Variants in ANKS1A observed in about 807,000 individuals in gnomAD.
ANKS1A encodes the protein ankyrin repeat and SAM domain-containing protein 1A.
Under a neutral mutation model 120.3 loss-of-function variants are expected in ANKS1A, and 55 were observed. The observed-to-expected ratio is 0.46, with a 90% confidence interval of 0.37 to 0.57. The LOEUF is 0.57. Among genes scored for constraint, ANKS1A ranks in the 20% least tolerant of loss-of-function variants. The pLI is 0.00. For synonymous variants in ANKS1A, 590 were observed against 604.7 expected (o/e 0.98, Z 0.36); for missense variants, 1,123 against 1,480.3 (o/e 0.76, Z 3.96).
intron 8 of ANKS1A, 34 bp from the exon 9 acceptor site, chr6:34,989,190 G>A (rs546382887): frequency 6.2e-7 from 1 of 1,601,188 alleles, no homozygotes; most frequent in East Asian, 2.2e-5. Context: ...TTAAAAAAGA[G>A]ATCGCAAAAT....
intron 10 of ANKS1A, among the ~76,000 whole-genome samples, chr6:35,016,935 C>CTTTTTTTTTTTTTT (rs558659921): frequency 1.1e-5 from 1 of 87,372 alleles, no homozygotes; most frequent in African/African-American, 4.0e-5. Context: ...ATCATGACCT[C>CTTTTTTTTTTTTTT]TTTTTTTTTT....
At chr6:35,029,163 T>A (rs1000619528) in intron 11 of ANKS1A, among the ~76,000 whole-genome samples, 1 of 152,028 alleles carries the variant, frequency 6.6e-6, no homozygotes, top group Non-Finnish European at 1.5e-5. Context: ...CTTTTTTTTT[T>A]AAACGTTGTT....
intron 1 of ANKS1A, among the ~76,000 whole-genome samples, chr6:34,959,176 T>C (rs1195417453): frequency 6.6e-6 from 1 of 152,222 alleles, no homozygotes; most frequent in South Asian, 2.1e-4. Flanking sequence ...AGCACTTTGG[T>C]TCTAACTTAT....
intron 10 of ANKS1A, 115 bp from the exon 11 acceptor site, chr6:35,017,358 C>T (rs1248647929): frequency 3.6e-6 from 4 of 1,096,454 alleles, no homozygotes; most frequent in Non-Finnish European, 5.1e-6. Flanking sequence ...TATCCAGTTT[C>T]TCTCTCTGTT....
chr6:34,983,186 G>T lies in ANKS1A; in HGVS notation c.882G>T (p.Lys294Asn), dbSNP rs1053995061. 6.2e-7 allele frequency: 1 copy of T among 1,614,172 alleles called. No individual in the cohort carries two copies. The highest frequency in any genetic ancestry group is 1.7e-5 in the Admixed American group (1 of 60,020). The change falls in exon 6 of 24, where the codon AAG becomes AAT. Residue 294 changes from lysine to asparagine, a missense_variant. Physicochemically the swap from Lys to Asn is moderately conservative, Grantham distance 94. Around this residue, in one of 3 missense-constraint regions of ANKS1A, gnomAD observed 904 missense variants for 1,130.4 expected, o/e 0.80. Coordinates refer to ENST00000360359, the MANE Select transcript of ANKS1A (RefSeq NM_015245.3). ...CTGTTCGGGAACTGCCTTCTCAAAA[G>T]AGCCAGCAAATAGCAGCATTAATTG... ...LDTVRELPSQ[K>N]SQQIAALIED...
intron 1 of ANKS1A, among the ~76,000 whole-genome samples, chr6:34,944,081 G>A (rs980732224): frequency 6.6e-6 from 1 of 152,028 alleles, no homozygotes; most frequent in African/African-American, 2.4e-5. Context: ...AGACCATCCT[G>A]GCTAACACGG....
chr6:35,013,807 A>C (rs1349697002), intron 10 of ANKS1A, among the ~76,000 whole-genome samples: 4 of 152,220 alleles, frequency 2.6e-5, no homozygotes, highest in Non-Finnish European at 5.9e-5. Flanking sequence ...TTTATATCTT[A>C]CAGAGTACTT....
At chr6:35,021,688 T>G (rs116700097) in intron 11 of ANKS1A, among the ~76,000 whole-genome samples, 1,547 of 152,218 alleles carry the variant, frequency 0.01, 27 homozygotes, top group African/African-American at 0.034. Flanking sequence ...TCAGACCTTA[T>G]GAAATGCAGA....
intron 1 of ANKS1A, among the ~76,000 whole-genome samples, chr6:34,901,678 T>G (rs1767358334): frequency 6.6e-6 from 1 of 152,154 alleles, no homozygotes; most frequent in Non-Finnish European, 1.5e-5. Flanking sequence ...GCCCGGTTAA[T>G]TTTTGTATTT....
chr6:35,028,555 G>A (rs1260608898), intron 11 of ANKS1A, among the ~76,000 whole-genome samples: 1 of 152,152 alleles, frequency 6.6e-6, no homozygotes, highest in African/African-American at 2.4e-5. Context: ...ACTATATAGT[G>A]AAAAATAAGT....
intron 1 of ANKS1A, among the ~76,000 whole-genome samples, chr6:34,896,939 G>A (rs1007914553): frequency 2.6e-4 from 40 of 151,970 alleles, no homozygotes; most frequent in African/African-American, 8.5e-4. Context: ...ACTCCAGCCT[G>A]GGCAAAAAAG....
intron 1 of ANKS1A, among the ~76,000 whole-genome samples, chr6:34,958,822 T>G (rs568306048): frequency 6.6e-6 from 1 of 152,334 alleles, no homozygotes; most frequent in East Asian, 1.9e-4. Context: ...AGGCTCAACT[T>G]AAGTATCTCC....
Position 34,889,369 on chromosome 6 carries a change from C to T in ANKS1A, c.-34C>T, listed in dbSNP as rs1269884931. On this transcript the variant is annotated 5_prime_UTR_variant, in exon 1 of 24. Transcript: ENST00000360359. This position sits in a 1 kb window ranked among gnomAD's most constrained non-coding sequence, Gnocchi z 5.5. Reference sequence around the variant, plus strand: ...GCCCGAGCAGGCTCGGCTGCAGCCTCGGGGAGGGGGTCCAGCGGGTGGCGG... The same window carrying T: ...GCCCGAGCAGGCTCGGCTGCAGCCTTGGGGAGGGGGTCCAGCGGGTGGCGG... 5.6e-6 allele frequency: 7 copies of T among 1,248,574 alleles called. No individual in the cohort carries two copies. The highest frequency in any genetic ancestry group is 8.4e-5 in the Admixed American group (2 of 23,790). 77.3% of individuals were successfully genotyped at this position (1,248,574 alleles called of 1,614,324 possible). A position where few individuals can be genotyped will look rare whatever the true frequency, so the allele number is the denominator to read the frequency against.
At chr6:34,901,076 A>T (rs1255995114) in intron 1 of ANKS1A, among the ~76,000 whole-genome samples, 1 of 152,180 alleles carries the variant, frequency 6.6e-6, no homozygotes, top group Non-Finnish European at 1.5e-5. Context: ...CAACCAGTTC[A>T]AAATGATAAA....
In ANKS1A at chr6:35,050,351, A is replaced by C. The variant is rs1208974235; in HGVS notation, c.2011-3748A>C. Among the ~76,000 whole-genome samples the C allele has an allele frequency of 1.3e-5, 2 of 152,324 alleles. No homozygotes were observed. Among genetic ancestry groups the C allele is most frequent in the Middle Eastern group, 3.4e-3 (1 of 292 alleles). On this transcript the variant is annotated intron_variant, in intron 11 of 23. Coordinates refer to ENST00000360359, the MANE Select transcript of ANKS1A (RefSeq NM_015245.3). This position sits in a 1 kb window ranked among gnomAD's most constrained non-coding sequence, Gnocchi z 4.3. ...TTTTCAGTCAGTTCACGTGAAGTGC[A>C]CTAATAAGGAAGCATGGCCATTTCT...
chr6:34,965,338 G>T (rs922234024), intron 1 of ANKS1A, among the ~76,000 whole-genome samples: 2 of 151,918 alleles, frequency 1.3e-5, no homozygotes, highest in African/African-American at 2.4e-5. Flanking sequence ...GATGCCTATT[G>T]CTAAAATTTT....
At chr6:35,049,076 G>A (rs1775852889) in intron 11 of ANKS1A, among the ~76,000 whole-genome samples, 1 of 152,232 alleles carries the variant, frequency 6.6e-6, no homozygotes, top group Non-Finnish European at 1.5e-5. Context: ...TAATAAGTTT[G>A]CTTGGCTGTG....
At chr6:35,018,106 C>A in intron 11 of ANKS1A, 47 bp downstream of exon 11, 1 of 1,571,952 alleles carries the variant, frequency 6.4e-7, no homozygotes, top group South Asian at 1.2e-5. Flanking sequence ...CCAGGCTGGC[C>A]GCAGCCCACC....
intron 11 of ANKS1A, among the ~76,000 whole-genome samples, chr6:35,042,556 C>T (rs957125417): frequency 2.6e-5 from 4 of 152,114 alleles, no homozygotes; most frequent in Non-Finnish European, 4.4e-5. Context: ...GTCTAAAGAC[C>T]GGGAGCCATC....
Sources: allele counts gnomAD v4.1 joint callset (sites outside exome capture counted in the v4.1 genomes callset), GRCh38; gene constraint gnomAD v4.1.1; regional missense constraint gnomAD v4.1.1; non-coding constraint Gnocchi (gnomAD v3.1); transcripts MANE v1.5; gene names NCBI Gene and HGNC (gene_info 2026-07-23, HGNC 2026-07-21).